Variants in PTPRG observed in about 807,000 individuals in gnomAD.
PTPRG encodes receptor-type tyrosine-protein phosphatase gamma.
Under a neutral mutation model 165.3 loss-of-function variants are expected in PTPRG, and 102 were observed. The ratio of observed to expected loss-of-function variants is 0.62; its 90% confidence interval spans 0.53 to 0.73. PTPRG has a LOEUF of 0.73. Among genes scored for constraint, PTPRG ranks in the 30% least tolerant of loss-of-function variants. The pLI is 0.00. For synonymous variants in PTPRG, 675 were observed against 669.5 expected (o/e 1.01, Z -0.13); for missense variants, 1,866 against 1,861.4 (o/e 1.00, Z -0.05).
intron 2 of PTPRG, among the ~76,000 whole-genome samples, chr3:61,822,731 G>T (rs992603369): frequency 2.0e-5 from 3 of 152,050 alleles, no homozygotes; most frequent in Non-Finnish European, 4.4e-5. Context: ...CCATTAATGG[G>T]GTATTTTTGG....
At chr3:62,239,072 A>T (rs544214082) in intron 14 of PTPRG, among the ~76,000 whole-genome samples, 1 of 152,214 alleles carries the variant, frequency 6.6e-6, no homozygotes, top group South Asian at 2.1e-4. Flanking sequence ...TCATTGGATT[A>T]TACTTTGTAG....
At chr3:61,926,537 CTTT>C (rs901792679) in intron 2 of PTPRG, among the ~76,000 whole-genome samples, 1 of 146,962 alleles carries the variant, frequency 6.8e-6, no homozygotes, top group Admixed American at 6.9e-5. Context: ...AATTAAACCT[CTTT>C]TCTTCATAAA....
At chr3:61,810,038 C>T (rs765166594) in intron 2 of PTPRG, among the ~76,000 whole-genome samples, 3 of 152,174 alleles carry the variant, frequency 2.0e-5, no homozygotes, top group South Asian at 2.1e-4. Flanking sequence ...GCCTGTTGAG[C>T]CTCTGTAGCT....
intron 14 of PTPRG, among the ~76,000 whole-genome samples, chr3:62,234,986 G>A (rs1249763959): frequency 1.3e-5 from 2 of 151,110 alleles, no homozygotes; most frequent in East Asian, 3.9e-4. Flanking sequence ...CTGTAATCTG[G>A]GGCTTAGTGA....
At chr3:62,153,067 G>A (rs533991297) in intron 6 of PTPRG, among the ~76,000 whole-genome samples, 71 of 152,340 alleles carry the variant, frequency 4.7e-4, no homozygotes, top group Non-Finnish European at 8.1e-4. Context: ...TTCAAATACA[G>A]TTAATAAGAT....
At chr3:61,807,489 C>G (rs2035451264) in intron 2 of PTPRG, among the ~76,000 whole-genome samples, 2 of 152,272 alleles carry the variant, frequency 1.3e-5, no homozygotes, top group South Asian at 4.1e-4. Flanking sequence ...CATGTAGAAG[C>G]TGATGTGTAT....
At chr3:62,106,018 CTG>C (rs1702462007) in intron 5 of PTPRG, among the ~76,000 whole-genome samples, 1 of 152,160 alleles carries the variant, frequency 6.6e-6, no homozygotes, top group South Asian at 2.1e-4. Context: ...AATATCAAGA[CTG>C]TATCACAGTA....
chr3:61,595,453 G>C, intron 1 of PTPRG, among the ~76,000 whole-genome samples: 1 of 152,360 alleles, frequency 6.6e-6, no homozygotes, highest in South Asian at 2.1e-4. Context: ...TGGGTCAGCA[G>C]TGTTGCAATT....
intron 4 of PTPRG, among the ~76,000 whole-genome samples, chr3:62,057,812 G>T (rs1700682149): frequency 6.6e-6 from 1 of 152,216 alleles, no homozygotes; most frequent in East Asian, 1.9e-4. Flanking sequence ...TTAAGACTCA[G>T]AAAACTCAGC....
intron 1 of PTPRG, among the ~76,000 whole-genome samples, chr3:61,675,211 C>G (rs1438015834): frequency 1.3e-5 from 2 of 151,988 alleles, no homozygotes; most frequent in Non-Finnish European, 2.9e-5. Flanking sequence ...TAATTTTTTC[C>G]CCTTAATGAT....
At chr3:61,609,195 G>T (rs1398470547) in intron 1 of PTPRG, among the ~76,000 whole-genome samples, 1 of 152,146 alleles carries the variant, frequency 6.6e-6, no homozygotes, top group African/African-American at 2.4e-5. Context: ...CTGTAAAATT[G>T]GGCTAACCAT....
chr3:61,818,222 T>G (rs1282533553), intron 2 of PTPRG, among the ~76,000 whole-genome samples: 1 of 152,092 alleles, frequency 6.6e-6, no homozygotes, highest in Non-Finnish European at 1.5e-5. Flanking sequence ...GGAGCAGCAC[T>G]CATAAAAGAG....
intron 13 of PTPRG, among the ~76,000 whole-genome samples, chr3:62,221,711 C>A (rs1347226381): frequency 6.6e-6 from 1 of 152,218 alleles, no homozygotes; most frequent in Non-Finnish European, 1.5e-5. Context: ...GGAGGCAGGC[C>A]TGGCACCGGG....
chr3:61,620,984 T>G (rs1200447558), intron 1 of PTPRG, among the ~76,000 whole-genome samples: 1 of 150,068 alleles, frequency 6.7e-6, no homozygotes, highest in Non-Finnish European at 1.5e-5. Flanking sequence ...ACTGATCCCA[T>G]TGCCTTATCA....
chr3:61,568,907 C>CAA (rs34433806), intron 1 of PTPRG, among the ~76,000 whole-genome samples: 8 of 131,068 alleles, frequency 6.1e-5, no homozygotes, highest in African/African-American at 1.7e-4. Flanking sequence ...GACTCCGTCT[C>CAA]AAAAAAAAAA....
At chr3:61,590,221 CA>C (rs11348723) in intron 1 of PTPRG, among the ~76,000 whole-genome samples, 18,710 of 142,450 alleles carry the variant, frequency 0.13, 1,327 homozygotes, top group African/African-American at 0.2. Flanking sequence ...TTTCTTTAAT[CA>C]AAAAAAAAAA....
At position 62,195,269 on chromosome 3, in the gene PTPRG, A is replaced by C; in HGVS notation, c.1327+99A>C. The C allele has an allele frequency of 3.7e-6, 4 of 1,066,982 alleles. No individual in the cohort carries two copies. Among genetic ancestry groups the C allele is most frequent in the Non-Finnish European group, 5.7e-6 (4 of 698,854 alleles). The allele number at this position is 1,066,982 out of a possible 1,614,324, so 66.1% of individuals were successfully genotyped here. A position where few individuals can be genotyped will look rare whatever the true frequency, so the allele number is the denominator to read the frequency against. The stretch of plus-strand genomic sequence containing the variant: ...TCAGGTGCTGGGGAAAAATACAAAC[A>C]AGCCTGGCAGAAGAATCAGTGTAGG... On this transcript the variant is annotated intron_variant, in intron 10 of 29. Transcript: ENST00000474889. This position sits in a 1 kb window ranked among gnomAD's most constrained non-coding sequence, Gnocchi z 4.4.
chr3:61,850,453 G>A lies in PTPRG; in HGVS notation c.190+101471G>A, dbSNP rs150703411. On this transcript the variant is annotated intron_variant, in intron 2 of 29. Coordinates refer to ENST00000474889, the MANE Select transcript of PTPRG (RefSeq NM_002841.4). ...TGGGATTACAGGCGTGAGCCGCTGTGCCCAATCCTTGTTCTTATATTTTTA... is the reference window on the plus strand; with the variant it reads ...TGGGATTACAGGCGTGAGCCGCTGTACCCAATCCTTGTTCTTATATTTTTA... Among the ~76,000 whole-genome samples, 1,134 of 152,298 alleles carry A rather than the reference G, an allele frequency of 7.4e-3. 14 individuals are homozygous for A. Among genetic ancestry groups the A allele is most frequent in the African/African-American group, 0.026 (1,092 of 41,552 alleles).
At chr3:62,253,531 T>C (rs1016483258) in intron 15 of PTPRG, among the ~76,000 whole-genome samples, 2 of 152,218 alleles carry the variant, frequency 1.3e-5, no homozygotes, top group African/African-American at 4.8e-5. Flanking sequence ...GTAACCCTTT[T>C]CTCAACTTGA....
Sources: allele counts gnomAD v4.1 joint callset (sites outside exome capture counted in the v4.1 genomes callset), GRCh38; gene constraint gnomAD v4.1.1; non-coding constraint Gnocchi (gnomAD v3.1); transcripts MANE v1.5; gene names NCBI Gene and HGNC (gene_info 2026-07-23, HGNC 2026-07-21).